The following NFE2L2 variants were observed in gnomAD, a reference collection of about 807,000 sequenced individuals.
The protein encoded by NFE2L2 is NFE2 like bZIP transcription factor 2.
A neutral mutation model predicts 49.6 loss-of-function variants in NFE2L2; 20 were observed. The observed-to-expected ratio is 0.40, with a 90% CI of 0.28 to 0.59. NFE2L2 has a LOEUF of 0.59. NFE2L2 is among the 20% of genes least tolerant of loss of function. The pLI is 0.40. For missense variants in NFE2L2, 578 were observed against 714.2 expected, an observed-to-expected ratio of 0.81 and a Z score of 2.17; for synonymous variants, 244 against 256.5, an observed-to-expected ratio of 0.95 and a Z score of 0.47.
At chr2:177,248,752 A>G (rs999567126) in intron 1 of NFE2L2, among the ~76,000 whole-genome samples, 5 of 151,732 alleles carry the variant, frequency 3.3e-5, no homozygotes, top group African/African-American at 4.8e-5. Flanking sequence ...TCCTTCTCCA[A>G]CCCACAAGCT....
At position 177,231,463 on chromosome 2, in the gene NFE2L2, C is replaced by G. The variant is rs1417220412; in HGVS notation, c.1140G>C (p.Glu380Asp). The G allele has an allele frequency of 6.2e-7, 1 of 1,614,254 alleles. No individual in the cohort carries two copies. Among genetic ancestry groups the G allele is most frequent in the South Asian group, 1.1e-5 (1 of 91,088 alleles). The change falls in exon 5 of 5, where the codon GAG becomes GAC. Residue 380 changes from glutamate to aspartate, a missense_variant. Physicochemically the swap from Glu to Asp is conservative, Grantham distance 45 (BLOSUM62 2). Transcript: ENST00000397062. ...TGACACTTCCAGGGGCACTATCTAGCTCTTCCACTTCAGAATCACTGAGGC... is the reference window on the plus strand; with the variant it reads ...TGACACTTCCAGGGGCACTATCTAGGTCTTCCACTTCAGAATCACTGAGGC... ...LLGLSDSEVE[E>D]LDSAPGSVKQ...
chr2:177,254,012 C>T (rs1044170633), intron 1 of NFE2L2, among the ~76,000 whole-genome samples: 45 of 152,284 alleles, frequency 3.0e-4, no homozygotes, highest in African/African-American at 9.9e-4. Context: ...CCCCTTTACT[C>T]TCCTATCTCA....
chr2:177,234,521 G>A (rs1689673208), intron 1 of NFE2L2, among the ~76,000 whole-genome samples: 1 of 152,222 alleles, frequency 6.6e-6, no homozygotes, highest in Non-Finnish European at 1.5e-5. Flanking sequence ...GATCATTAAT[G>A]ATAGGGTGAT....
rs1477777127 is a variant in NFE2L2 at position 177,234,191 on chromosome 2, T to C, written c.126A>G (p.Arg42=). 2 of 1,614,060 alleles carry C rather than the reference T, an allele frequency of 1.2e-6. No homozygotes were observed. The highest frequency in any genetic ancestry group is 3.3e-5 in the Admixed American group (2 of 60,004). ...GTTTTTCCAGCTCATACTCTTTCCG[T>C]CGCTGACTGAAGTCAAATACTTCTC... ...VSREVFDFSQ[R]RKEYELEKQK... is the part of the protein sequence containing the mutation. Residue 42 remains arginine, a synonymous_variant, in exon 2 of 5, where the codon CGA becomes CGG. Coordinates refer to ENST00000397062, the MANE Select transcript of NFE2L2 (RefSeq NM_006164.5).
intron 1 of NFE2L2, among the ~76,000 whole-genome samples, chr2:177,238,352 AT>A (rs1689826512): frequency 6.6e-6 from 1 of 152,230 alleles, no homozygotes; most frequent in Admixed American, 6.5e-5. Context: ...ATTGAATGGA[AT>A]TTATAATTGT....
intron 1 of NFE2L2, among the ~76,000 whole-genome samples, chr2:177,242,683 A>G (rs1480309499): frequency 1.3e-5 from 2 of 152,208 alleles, no homozygotes; most frequent in African/African-American, 2.4e-5. Context: ...GCTTGTCTGT[A>G]AACTGCAGAG....
chr2:177,245,572 C>A (rs1306097265), intron 1 of NFE2L2, among the ~76,000 whole-genome samples: 1 of 152,012 alleles, frequency 6.6e-6, no homozygotes, highest in Non-Finnish European at 1.5e-5. Context: ...CTCATTTGAG[C>A]CTCACTACAG....
intron 1 of NFE2L2, among the ~76,000 whole-genome samples, chr2:177,244,082 C>A (rs1205741492): frequency 2.0e-5 from 3 of 151,474 alleles, no homozygotes; most frequent in African/African-American, 7.3e-5. Context: ...AGGTGGATCA[C>A]AGGATCAGGA....
Position 177,253,570 on chromosome 2 carries a change from C to T in NFE2L2, c.45+10962G>A, listed in dbSNP as rs73031364. On this transcript the variant is annotated intron_variant, in intron 1 of 4. Transcript: ENST00000397062. The stretch of plus-strand genomic sequence containing the variant: ...CTAATAAATATTTGCGGAATGAGTA[C>T]GTGTATATTATTTAGACTAACAATT... Among the ~76,000 whole-genome samples, 4 of 152,096 alleles carry T rather than the reference C, an allele frequency of 2.6e-5. No homozygotes were observed. In the East Asian group the frequency reaches 5.8e-4, roughly 22 times the overall value.
rs755223126 is a variant in NFE2L2, at chr2:177,234,308, T to C, written c.46-37A>G. ...ACAAAAAAAGGAAGGAGAGAGCTCA[T>C]GTTTTTTAAATGACAGATACCACAT... On this transcript the variant is annotated intron_variant, in intron 1 of 4. Transcript: ENST00000397062. 5 of 1,562,048 alleles carry C rather than the reference T, an allele frequency of 3.2e-6. No individual in the cohort carries two copies. The African/African-American group carries it at 5.5e-5, about 17-fold the overall frequency.
chr2:177,247,381 G>C (rs557825871), intron 1 of NFE2L2, among the ~76,000 whole-genome samples: 1 of 152,208 alleles, frequency 6.6e-6, no homozygotes, highest in Admixed American at 6.5e-5. Flanking sequence ...AGGAATAAAG[G>C]CCGGGCGCCG....
chr2:177,250,045 T>C (rs1185115131), intron 1 of NFE2L2, among the ~76,000 whole-genome samples: 1 of 152,138 alleles, frequency 6.6e-6, no homozygotes, highest in Non-Finnish European at 1.5e-5. Context: ...CCTTCCAAAA[T>C]ACCTGAGACA....
chr2:177,240,828 T>C (rs1022664114), intron 1 of NFE2L2, among the ~76,000 whole-genome samples: 1 of 152,234 alleles, frequency 6.6e-6, no homozygotes, highest in Non-Finnish European at 1.5e-5. Context: ...GCATCTATCA[T>C]GCTTAGATGA....
intron 1 of NFE2L2, among the ~76,000 whole-genome samples, chr2:177,256,964 G>C (rs1040668548): frequency 1.3e-5 from 2 of 152,248 alleles, no homozygotes; most frequent in Non-Finnish European, 2.9e-5. Flanking sequence ...AAGTGGGACT[G>C]CTGTGCTGTG....
rs1438562509 is a variant in NFE2L2, at chr2:177,264,677, C to CT, written c.-102_-101insA. ...GCGGCTCTGGTGGCGGCGGCGGCGG[C>CT]GGTGGCGGCTGCGTCGGCGGCTCCT... On this transcript the variant is annotated 5_prime_UTR_variant, in exon 1 of 5. Transcript: ENST00000397062. 1.2e-3 allele frequency: 972 copies of CT among 823,946 alleles called. 4 individuals are homozygous for CT. The highest frequency in any genetic ancestry group is 1.5e-3 in the Non-Finnish European group (935 of 606,392). 51.0% of individuals were successfully genotyped at this position (823,946 alleles called of 1,614,324 possible). A position where few individuals can be genotyped will look rare whatever the true frequency, so the allele number is the denominator to read the frequency against.
chr2:177,237,088 G>A (rs996967250), intron 1 of NFE2L2, among the ~76,000 whole-genome samples: 6 of 152,062 alleles, frequency 3.9e-5, no homozygotes, highest in Admixed American at 6.6e-5. Flanking sequence ...TTGAATTCCC[G>A]GGCTCCATTG....
intron 1 of NFE2L2, among the ~76,000 whole-genome samples, chr2:177,252,361 C>T (rs1690373068): frequency 6.6e-6 from 1 of 152,124 alleles, no homozygotes. Context: ...TTGTTAACAG[C>T]ATTGCTAGAT....
intron 1 of NFE2L2, among the ~76,000 whole-genome samples, chr2:177,250,182 A>T (rs1690282896): frequency 6.6e-6 from 1 of 152,242 alleles, no homozygotes; most frequent in African/African-American, 2.4e-5. Context: ...CAACAATGTT[A>T]TGGTGCAGAT....
chr2:177,241,727 C>T (rs1174003777), intron 1 of NFE2L2, among the ~76,000 whole-genome samples: 1 of 152,154 alleles, frequency 6.6e-6, no homozygotes, highest in Non-Finnish European at 1.5e-5. Flanking sequence ...TGGTGAGACA[C>T]TGCTGTAGTC....
Sources: gnomAD v4.1 joint callset for allele counts (sites outside exome capture counted in the v4.1 genomes callset) on GRCh38, gnomAD v4.1.1 for gene constraint, MANE v1.5 for transcripts, NCBI Gene and HGNC (gene_info 2026-07-23, HGNC 2026-07-21) for gene names.